The following TRIM9 variants were observed in gnomAD, a reference collection of about 807,000 sequenced individuals.
TRIM9 encodes the protein E3 ubiquitin-protein ligase TRIM9.
TRIM9 carries 26 observed loss-of-function variants against 78.3 expected under a neutral mutation model. The observed-to-expected ratio is 0.33, with a 90% CI of 0.24 to 0.46. TRIM9 has a LOEUF of 0.46. Ranked by LOEUF, TRIM9 falls within the 20% of genes least tolerant of loss-of-function variation. TRIM9 has a pLI of 1.00. For synonymous variants in TRIM9, 398 were observed against 416.5 expected (o/e 0.96, Z 0.54); for missense variants, 787 against 1,036.4 (o/e 0.76, Z 3.30).
intron 1 of TRIM9, among the ~76,000 whole-genome samples, chr14:51,069,537 T>C (rs900090672): frequency 1.3e-5 from 2 of 152,244 alleles, no homozygotes; most frequent in Non-Finnish European, 2.9e-5. Flanking sequence ...TAGGCTGCAC[T>C]GAGAAACTGC....
intron 1 of TRIM9, among the ~76,000 whole-genome samples, chr14:51,078,188 T>C (rs577116233): frequency 2.1e-4 from 32 of 152,246 alleles, no homozygotes; most frequent in Non-Finnish European, 4.3e-4. Context: ...AGATCTAAAT[T>C]CTTTAACATG....
chr14:51,026,418 T>C (rs1238780647), intron 1 of TRIM9, among the ~76,000 whole-genome samples: 3 of 152,298 alleles, frequency 2.0e-5, no homozygotes, highest in South Asian at 4.1e-4. Context: ...GAGTTTTCTA[T>C]TGCTAGCAGG....
chr14:51,071,230 G>T (rs2062207296), intron 1 of TRIM9, among the ~76,000 whole-genome samples: 2 of 151,906 alleles, frequency 1.3e-5, no homozygotes, highest in South Asian at 2.1e-4. Context: ...TACAAAATTA[G>T]CCAGGCATGG....
At chr14:50,979,322 G>A in intron 12 of TRIM9, 65 bp downstream of exon 12, 5 of 1,613,814 alleles carry the variant, frequency 3.1e-6, no homozygotes, top group Non-Finnish European at 4.2e-6. Context: ...GGATTGAACG[G>A]CCCTGGGCAG....
intron 1 of TRIM9, among the ~76,000 whole-genome samples, chr14:51,085,654 G>A (rs2063683752): frequency 6.6e-6 from 1 of 152,156 alleles, no homozygotes. Flanking sequence ...TTCAAAAATG[G>A]ACTTATAAAT....
intron 1 of TRIM9, among the ~76,000 whole-genome samples, chr14:51,073,428 T>C (rs964987586): frequency 6.6e-6 from 1 of 152,188 alleles, no homozygotes; most frequent in Non-Finnish European, 1.5e-5. Context: ...AATGGATAAA[T>C]TGTGAAACAT....
chr14:51,023,402 A>G (rs2057941509), intron 2 of TRIM9, among the ~76,000 whole-genome samples: 1 of 152,234 alleles, frequency 6.6e-6, no homozygotes, highest in South Asian at 2.1e-4. Flanking sequence ...GGTCTTCAAT[A>G]TTAACAATAA....
chr14:51,087,092 G>A (rs1043348756), intron 1 of TRIM9, among the ~76,000 whole-genome samples: 1 of 152,048 alleles, frequency 6.6e-6, no homozygotes, highest in African/African-American at 2.4e-5. Flanking sequence ...GTTCCCGGTT[G>A]GCAGGCTGGT....
chr14:51,013,320 G>T (rs1464036895), intron 3 of TRIM9, among the ~76,000 whole-genome samples: 1 of 149,306 alleles, frequency 6.7e-6, no homozygotes, highest in African/African-American at 2.5e-5. Context: ...TTAGCACCTT[G>T]TGAAAAATCA....
At chr14:51,071,473 TGG>T (rs2062257718) in intron 1 of TRIM9, among the ~76,000 whole-genome samples, 1 of 151,510 alleles carries the variant, frequency 6.6e-6, no homozygotes, top group Non-Finnish European at 1.5e-5. Context: ...CTCTGATACC[TGG>T]GTACCAGTTG....
Position 50,979,681 on chromosome 14 carries a change from A to G in TRIM9, c.2163-132T>C, listed in dbSNP as rs571520292. ...CTACCCCAAAACCGTTTCCCTAATC[A>G]TCCCTTGCACATAAATTTTAATACC... On this transcript the variant is annotated intron_variant, in intron 11 of 12. Coordinates refer to ENST00000684578, the MANE Select transcript of TRIM9 (RefSeq NM_001387360.1). 3.2e-5 allele frequency: 24 copies of G among 744,968 alleles called. No homozygotes were observed. In the South Asian group the frequency reaches 3.4e-4, roughly 11 times the overall value. The allele number at this position is 744,968 out of a possible 1,614,324, so 46.1% of individuals were successfully genotyped here. A position where few individuals can be genotyped will look rare whatever the true frequency, so the allele number is the denominator to read the frequency against.
intron 1 of TRIM9, among the ~76,000 whole-genome samples, chr14:51,046,315 ACTCT>A (rs1442217377): frequency 6.6e-6 from 1 of 152,052 alleles, no homozygotes; most frequent in Non-Finnish European, 1.5e-5. Flanking sequence ...ATCATTTTGA[ACTCT>A]CTCTCAACAC....
At chr14:50,997,861 G>C in intron 7 of TRIM9, 189 bp downstream of exon 7, 4 of 1,409,446 alleles carry the variant, frequency 2.8e-6, no homozygotes, top group Non-Finnish European at 3.7e-6. Flanking sequence ...TGGAATCTTT[G>C]GTTTGATCAC....
chr14:51,030,567 T>C (rs2058635777), intron 1 of TRIM9, among the ~76,000 whole-genome samples: 1 of 151,652 alleles, frequency 6.6e-6, no homozygotes, highest in African/African-American at 2.4e-5. Flanking sequence ...GATGTGTGTG[T>C]GTGTATGAGT....
At chr14:51,081,626 A>G (rs901872984) in intron 1 of TRIM9, among the ~76,000 whole-genome samples, 2 of 152,218 alleles carry the variant, frequency 1.3e-5, no homozygotes, top group African/African-American at 4.8e-5. Flanking sequence ...CCCTCACTTC[A>G]GATTCCAGTT....
chr14:51,015,515 T>C (rs1037597671), intron 3 of TRIM9, among the ~76,000 whole-genome samples: 2 of 112,956 alleles, frequency 1.8e-5, no homozygotes, highest in Non-Finnish European at 3.6e-5. Flanking sequence ...CTTTTTTTTT[T>C]TTTTTTTTTT....
chr14:51,040,451 C>T (rs1320926389), intron 1 of TRIM9, among the ~76,000 whole-genome samples: 1 of 152,170 alleles, frequency 6.6e-6, no homozygotes, highest in Non-Finnish European at 1.5e-5. Context: ...GGTCTGTGCG[C>T]CCTCCCACAA....
At chr14:51,090,250 G>T (rs2064177319) in intron 1 of TRIM9, among the ~76,000 whole-genome samples, 1 of 152,110 alleles carries the variant, frequency 6.6e-6, no homozygotes, top group Non-Finnish European at 1.5e-5. Context: ...TTTACCACAG[G>T]AATATATAGA....
At chr14:51,007,579 C>A (rs2055984413) in intron 5 of TRIM9, among the ~76,000 whole-genome samples, 1 of 152,162 alleles carries the variant, frequency 6.6e-6, no homozygotes, top group African/African-American at 2.4e-5. Flanking sequence ...GGAGCTCAGG[C>A]AAGTAACCCA....
Sources: gnomAD v4.1 joint callset for allele counts (sites outside exome capture counted in the v4.1 genomes callset) on GRCh38, gnomAD v4.1.1 for gene constraint, MANE v1.5 for transcripts, NCBI Gene and HGNC (gene_info 2026-07-23, HGNC 2026-07-21) for gene names.